FBN3: variants seen among roughly 807,000 people sequenced by gnomAD.
The protein encoded by FBN3 is fibrillin 3.
Under a neutral mutation model 330.1 loss-of-function variants are expected in FBN3, and 234 were observed. The ratio of observed to expected loss-of-function variants is 0.71; its 90% CI spans 0.64 to 0.79. The LOEUF is 0.79. Ranked by LOEUF, FBN3 falls within the 30% of genes least tolerant of loss-of-function variation. The pLI is 0.00. For missense variants in FBN3, 3,606 were observed against 3,886.9 expected, an observed-to-expected ratio of 0.93 and a Z score of 1.92; for synonymous variants, 1,458 against 1,517.3, an observed-to-expected ratio of 0.96 and a Z score of 0.91.
chr19:8,146,000 G>T (rs2083534989), intron 4 of FBN3, 62 bp from the exon 5 acceptor site: 1 of 1,502,374 alleles, frequency 6.7e-7, no homozygotes, highest in Admixed American at 2.0e-5. Flanking sequence ...GCCCTCCTAG[G>T]AAGGCTGCAG....
intron 63 of FBN3, among the ~76,000 whole-genome samples, chr19:8,071,634 A>G (rs1599256296): frequency 1.3e-5 from 2 of 152,016 alleles, no homozygotes; most frequent in African/African-American, 2.4e-5. Context: ...AAATCCCAAA[A>G]GGTCCCAAGG....
In FBN3 at chr19:8,110,919, T is replaced by G. The variant is rs549941127; in HGVS notation, c.4259A>C (p.Glu1420Ala). The G allele has an allele frequency of 6.2e-7, 1 of 1,614,250 alleles. No homozygotes were observed. The highest frequency in any genetic ancestry group is 1.3e-5 in the African/African-American group (1 of 75,064). ...GCAGCGGAACATTCCAGGCAGGTTC[T>G]CACAGCTCCCAAATGCACAGAGGTT... ...QGNLCAFGSC[E>A]NLPGMFRCIC... The change falls in exon 34 of 64, where the codon GAG becomes GCG. Residue 1420 changes from glutamate (E) to alanine (A), a missense_variant. By Grantham distance (107) the Glu-to-Ala change is moderately radical. Coordinates refer to ENST00000600128, the MANE Select transcript of FBN3 (RefSeq NM_032447.5).
intron 59 of FBN3, among the ~76,000 whole-genome samples, chr19:8,077,232 A>G (rs955433015): frequency 1.3e-5 from 2 of 152,204 alleles, no homozygotes; most frequent in Non-Finnish European, 2.9e-5. Context: ...GGTATACTGC[A>G]TTTGAACTGG....
chr19:8,116,825 G>A (rs2082716760), intron 28 of FBN3, 26 bp from the exon 29 acceptor site: 1 of 1,607,872 alleles, frequency 6.2e-7, no homozygotes, highest in Admixed American at 1.7e-5. Context: ...TGGGGACTGT[G>A]CTTAGCTTTG....
chr19:8,086,531 A>C (rs1350855315), intron 54 of FBN3, among the ~76,000 whole-genome samples: 1 of 147,846 alleles, frequency 6.8e-6, no homozygotes, highest in African/African-American at 2.5e-5. Context: ...ATCTTGGGTC[A>C]CTACAACGTC....
At chr19:8,102,382 T>A (rs1034501514) in intron 40 of FBN3, among the ~76,000 whole-genome samples, 1 of 151,860 alleles carries the variant, frequency 6.6e-6, no homozygotes, top group Admixed American at 6.6e-5. Context: ...ACCCAGCTAA[T>A]TTTTTTGGTA....
intron 56 of FBN3, 56 bp downstream of exon 56, chr19:8,085,307 G>A (rs2081913569): frequency 6.8e-7 from 1 of 1,466,338 alleles, no homozygotes; most frequent in African/African-American, 1.4e-5. Flanking sequence ...ACATGACCCT[G>A]AGCAAACTCC....
chr19:8,129,793 G>A lies in FBN3; in HGVS notation c.2045-428C>T, dbSNP rs1485692297. ...CAATTATAGGCCAGATATGATGGCT[G>A]TCACCTATAATCCCACCACTTTGGG... On this transcript the variant is annotated intron_variant, in intron 16 of 63. Transcript: ENST00000600128. This position sits in a 1 kb window ranked among gnomAD's most constrained non-coding sequence, Gnocchi z 4.5. 6.6e-6 allele frequency among the ~76,000 whole-genome samples: 1 copy of A among 152,130 alleles called. No individual in the cohort carries two copies. Among genetic ancestry groups the A allele is most frequent in the Non-Finnish European group, 1.5e-5 (1 of 68,030 alleles).
chr19:8,128,299 C>T (rs958684541), intron 18 of FBN3, among the ~76,000 whole-genome samples: 5 of 152,068 alleles, frequency 3.3e-5, no homozygotes, highest in Non-Finnish European at 7.4e-5. Flanking sequence ...TGTAGTGGCT[C>T]GCGCCTATAA....
intron 34 of FBN3, among the ~76,000 whole-genome samples, chr19:8,110,313 C>A (rs986546433): frequency 1.3e-5 from 2 of 152,178 alleles, no homozygotes; most frequent in African/African-American, 4.8e-5. Flanking sequence ...CCCACCTCAG[C>A]CTCCCAAAGT....
At chr19:8,148,793 T>C (rs1347884215) in intron 1 of FBN3, 1 of 152,234 alleles carries the variant, frequency 6.6e-6, no homozygotes, top group African/African-American at 2.4e-5. Context: ...CTGTCAACGT[T>C]GGAGGGTTGG....
Position 8,100,985 on chromosome 19 carries a change from G to T in FBN3, c.5090-13C>A. The T allele has an allele frequency of 1.2e-6, 2 of 1,609,522 alleles. No individual in the cohort carries two copies. Among genetic ancestry groups the T allele is most frequent in the Admixed American group, 3.4e-5 (2 of 59,684 alleles). ...ATCTGGTAGTCAGCTGCGCAAAGGG[G>T]AACAAAGCTGAGTCTGGGGCTGCAG... On this transcript the variant is annotated splice_polypyrimidine_tract_variant and intron_variant, in intron 40 of 63. Transcript: ENST00000600128.
In FBN3 at chr19:8,121,226, G is replaced by A. The variant is rs199903636; in HGVS notation, c.3211+32C>T. 931 of 1,552,764 alleles carry A rather than the reference G, an allele frequency of 6.0e-4. 3 individuals are homozygous for A. The highest frequency in any genetic ancestry group is 3.0e-3 in the South Asian group (247 of 82,006). ...CCTCAATGCCCTCCCTGCCCAGGGCGCCCACCACACCCCTGCCCGGCAGTC... is the reference window on the plus strand; with the variant it reads ...CCTCAATGCCCTCCCTGCCCAGGGCACCCACCACACCCCTGCCCGGCAGTC... On this transcript the variant is annotated intron_variant, in intron 25 of 63. Transcript: ENST00000600128. The surrounding 1 kb of genome is among the most constrained non-coding windows in gnomAD (Gnocchi z 4.5).
chr19:8,065,692 T>C lies in FBN3; in HGVS notation c.*227A>G. 1 of 540,808 alleles carries C rather than the reference T, an allele frequency of 1.8e-6. No individual in the cohort carries two copies. The highest frequency in any genetic ancestry group is 2.8e-5 in the South Asian group (1 of 35,242). 33.5% of individuals were successfully genotyped at this position (540,808 alleles called of 1,614,324 possible). ...GCTGTGGGGGCAGGGGGATTGCACA[T>C]TGCAGCTTCTTGCTGTCTCCAGGAA... On this transcript the variant is annotated 3_prime_UTR_variant, in exon 64 of 64. Coordinates refer to ENST00000600128, the MANE Select transcript of FBN3 (RefSeq NM_032447.5).
chr19:8,136,237 C>T lies in FBN3; in HGVS notation c.1418G>A (p.Arg473Gln), dbSNP rs35277492. 26,438 of 1,611,150 alleles carry T rather than the reference C, an allele frequency of 0.016. 291 individuals carry two copies. Among genetic ancestry groups the T allele is most frequent in the Middle Eastern group, 0.05 (302 of 6,050 alleles). The change falls in exon 12 of 64, where the codon CGG (arginine) becomes CAG (glutamine). Residue 473 changes from arginine to glutamine, a missense_variant. By Grantham distance (43) the Arg-to-Gln change is conservative. Coordinates refer to ENST00000600128, the MANE Select transcript of FBN3 (RefSeq NM_032447.5). ...CVNIPGTYHC[R>Q]CYPGFQATPT... ...CGTGGCCTGGAAGCCCGGGTAGCAC[C>T]GGCAGTGGTAGGTGCCGGGGATGTT...
At chr19:8,071,892 G>A (rs1288221782) in intron 63 of FBN3, among the ~76,000 whole-genome samples, 156 bp downstream of exon 63, 1 of 152,156 alleles carries the variant, frequency 6.6e-6, no homozygotes, top group Non-Finnish European at 1.5e-5. Context: ...AGCACAAGAA[G>A]GCCCTAAGCC....
chr19:8,145,230 C>T (rs552417991), intron 5 of FBN3, among the ~76,000 whole-genome samples: 15 of 152,032 alleles, frequency 9.9e-5, no homozygotes, highest in Admixed American at 1.3e-4. Flanking sequence ...AAAAATTAGC[C>T]AGGCATGGTG....
At chr19:8,119,153 G>C in intron 25 of FBN3, 131 bp from the exon 26 acceptor site, 1 of 1,104,236 alleles carries the variant, frequency 9.1e-7, no homozygotes, top group East Asian at 2.6e-5. Flanking sequence ...AGGAGAGCCT[G>C]GAGGCTCCGG....
At position 8,096,203 on chromosome 19, in the gene FBN3, A is replaced by G; in HGVS notation, c.5540-123T>C. On this transcript the variant is annotated intron_variant, in intron 44 of 63. Transcript: ENST00000600128. The surrounding 1 kb of genome is among the most constrained non-coding windows in gnomAD (Gnocchi z 4.6). ...CCTAGCCCTGCCTAGATGACTGGGC[A>G]GTGACCCCTGGCGGTGATGGCTGGG... 1.1e-6 allele frequency: 1 copy of G among 894,410 alleles called. No individual in the cohort carries two copies. Among genetic ancestry groups the G allele is most frequent in the Non-Finnish European group, 1.8e-6 (1 of 544,962 alleles). The allele number at this position is 894,410 out of a possible 1,614,324, so 55.4% of individuals were successfully genotyped here. A position where few individuals can be genotyped will look rare whatever the true frequency, so the allele number is the denominator to read the frequency against.
Sources: gnomAD v4.1 joint callset for allele counts (sites outside exome capture counted in the v4.1 genomes callset) on GRCh38, gnomAD v4.1.1 for gene constraint, Gnocchi (gnomAD v3.1) non-coding constraint, MANE v1.5 for transcripts, NCBI Gene and HGNC (gene_info 2026-07-23, HGNC 2026-07-21) for gene names.